Variants in WDFY3 observed in about 807,000 individuals in gnomAD.
WDFY3 encodes WD repeat and FYVE domain containing 3, also known as WD repeat and FYVE domain-containing protein 3.
WDFY3 carries 66 observed loss-of-function variants against 409.6 expected under a neutral mutation model. That is an observed-to-expected ratio of 0.16 (90% CI 0.13 to 0.20). The LOEUF (loss-of-function observed/expected upper bound fraction) is 0.20. Ranked by LOEUF, WDFY3 falls within the 10% of genes least tolerant of loss-of-function variation. The pLI is 1.00. For missense variants in WDFY3, 3,031 were observed against 4,298.1 expected (o/e 0.71, Z 8.24); for synonymous variants, 1,521 against 1,537.1 (o/e 0.99, Z 0.25).
intron 5 of WDFY3, among the ~76,000 whole-genome samples, chr4:84,847,411 A>C (rs999256920): frequency 5.3e-5 from 8 of 152,040 alleles, no homozygotes. Flanking sequence ...CAAATTGATA[A>C]AAAAACCTTT....
intron 1 of WDFY3, among the ~76,000 whole-genome samples, chr4:84,947,294 C>T (rs1458882649): frequency 6.8e-6 from 1 of 146,730 alleles, no homozygotes; most frequent in East Asian, 2.2e-4. Context: ...GGGCGGATCA[C>T]GAGGTCAGGA....
At chr4:84,907,222 T>C (rs1397340012) in intron 2 of WDFY3, among the ~76,000 whole-genome samples, 1 of 152,184 alleles carries the variant, frequency 6.6e-6, no homozygotes, top group African/African-American at 2.4e-5. Flanking sequence ...TTTTCAAAGG[T>C]AGAGTCTAAT....
chr4:84,884,537 T>C (rs1763932797), intron 3 of WDFY3, among the ~76,000 whole-genome samples: 1 of 152,074 alleles, frequency 6.6e-6, no homozygotes, highest in Non-Finnish European at 1.5e-5. Flanking sequence ...ATTAAAGAAA[T>C]TGATCAAGAA....
chr4:84,679,356 T>A, intron 64 of WDFY3, 114 bp from the exon 65 acceptor site: 1 of 1,067,718 alleles, frequency 9.4e-7, no homozygotes, highest in Non-Finnish European at 1.2e-6. Flanking sequence ...CATAATATTT[T>A]AAGCTAAGTG....
intron 2 of WDFY3, among the ~76,000 whole-genome samples, chr4:84,920,799 C>T (rs1422669839): frequency 2.0e-5 from 3 of 152,102 alleles, no homozygotes; most frequent in Admixed American, 2.0e-4. Context: ...TCCCACAACC[C>T]AAAGGAGAAT....
rs763277839 is a variant in WDFY3 at position 84,821,263 on chromosome 4, T to A, written c.1412A>T (p.Lys471Ile). ...GCTACAGTGATAAGAAGAGCTAGAT[T>A]TTAAGAGGATACTGACACTAATAAG... is the stretch of plus-strand genomic sequence containing the variant. ...KELISVSILL[K>I]SSSSYHCSII... is the part of the protein sequence containing the mutation. The change falls in exon 11 of 68, where the codon AAA becomes ATA. Residue 471 changes from lysine to isoleucine, a missense_variant. Physicochemically the swap from Lys to Ile is moderately radical, Grantham distance 102 (BLOSUM62 -3). Around this residue, in one of 16 missense-constraint regions of WDFY3, gnomAD observed 1,322 missense variants for 1,697.9 expected, o/e 0.78. Transcript: ENST00000295888. 2 of 1,613,778 alleles carry A rather than the reference T, an allele frequency of 1.2e-6. No homozygotes were observed. Among genetic ancestry groups the A allele is most frequent in the South Asian group, 2.2e-5 (2 of 91,080 alleles).
At chr4:84,702,623 T>C (rs925951087) in intron 55 of WDFY3, 117 bp from the exon 56 acceptor site, 5 of 891,988 alleles carry the variant, frequency 5.6e-6, no homozygotes, top group Non-Finnish European at 7.9e-6. Flanking sequence ...TTTCCCATTA[T>C]CCTACATTAA....
intron 24 of WDFY3, among the ~76,000 whole-genome samples, chr4:84,785,206 T>C (rs1436408187): frequency 6.6e-6 from 1 of 151,998 alleles, no homozygotes; most frequent in Admixed American, 6.6e-5. Context: ...CTAAGACCCA[T>C]CGTCACTCTG....
rs1734057820 is a variant in WDFY3 at position 84,717,026 on chromosome 4, G to A, written c.7755-10C>T. 3.2e-6 allele frequency: 5 copies of A among 1,557,968 alleles called. No individual in the cohort carries two copies. Among genetic ancestry groups the A allele is most frequent in the South Asian group, 1.2e-5 (1 of 81,112 alleles). On this transcript the variant is annotated splice_polypyrimidine_tract_variant and intron_variant, in intron 48 of 67. Transcript: ENST00000295888. Reference sequence around the variant, plus strand: ...AATAGGCTCATGCATACTACAGGCAGCCAAGAGAAAAAGCAAATAAAAACA... The same window carrying A: ...AATAGGCTCATGCATACTACAGGCAACCAAGAGAAAAAGCAAATAAAAACA...
At chr4:84,709,214 T>C in intron 52 of WDFY3, 79 bp downstream of exon 52, 2 of 1,443,706 alleles carry the variant, frequency 1.4e-6, no homozygotes, top group Non-Finnish European at 1.9e-6. Context: ...ATTTTATGGA[T>C]AATTAAAGTG....
chr4:84,919,225 A>G (rs1275328540), intron 2 of WDFY3, among the ~76,000 whole-genome samples: 3 of 152,138 alleles, frequency 2.0e-5, no homozygotes, highest in Non-Finnish European at 4.4e-5. Flanking sequence ...GAAACCATAA[A>G]TTCAAATCAA....
chr4:84,837,283 T>C (rs1173459587), intron 6 of WDFY3, among the ~76,000 whole-genome samples, 193 bp from the exon 7 acceptor site: 3 of 152,152 alleles, frequency 2.0e-5, no homozygotes. Flanking sequence ...AATCAAATAG[T>C]GAGATTTTGT....
In WDFY3 at chr4:84,964,509, T is replaced by C. The variant is rs72664971; in HGVS notation, c.-226+1700A>G. Among the ~76,000 whole-genome samples, 1,499 of 152,324 alleles carry C rather than the reference T, an allele frequency of 9.8e-3. 10 individuals carry two copies. The highest frequency in any genetic ancestry group is 0.017 in the Non-Finnish European group (1,150 of 68,028). ...ATAAATAAATTAAGAACAACTGATG[T>C]AAACTTTTAAAATTGCAAAGTTGAG... On this transcript the variant is annotated intron_variant, in intron 1 of 67. Coordinates refer to ENST00000295888, the MANE Select transcript of WDFY3 (RefSeq NM_014991.6).
At chr4:84,787,786 T>C (rs1404245712) in intron 22 of WDFY3, 73 bp from the exon 23 acceptor site, 2 of 1,284,122 alleles carry the variant, frequency 1.6e-6, no homozygotes, top group African/African-American at 1.5e-5. Context: ...TCAGCATATG[T>C]ATTTTCATTA....
Position 84,899,446 on chromosome 4 carries a change from G to T in WDFY3, c.-131-2436C>A, listed in dbSNP as rs574236141. Reference sequence around the variant, plus strand: ...TTTAAGTCAATAAACTAAACGTTTGGCATTTTCTTATCAAATTAAACATTT... The same window carrying T: ...TTTAAGTCAATAAACTAAACGTTTGTCATTTTCTTATCAAATTAAACATTT... On this transcript the variant is annotated intron_variant, in intron 2 of 67. Transcript: ENST00000295888. Among the ~76,000 whole-genome samples the T allele has an allele frequency of 4.6e-5, 7 of 152,156 alleles. No individual in the cohort carries two copies. In the South Asian group the frequency reaches 1.2e-3, roughly 27 times the overall value.
intron 30 of WDFY3, among the ~76,000 whole-genome samples, chr4:84,770,436 C>T (rs1744476642): frequency 6.6e-6 from 1 of 152,160 alleles, no homozygotes; most frequent in Admixed American, 6.5e-5. Context: ...ATTTATGTGA[C>T]TCACTTTATT....
chr4:84,759,213 A>G (rs915048796), intron 32 of WDFY3, among the ~76,000 whole-genome samples: 1 of 152,148 alleles, frequency 6.6e-6, no homozygotes. Context: ...GTAGCCTTGC[A>G]GTAGAGTTTG....
rs370520203 is a variant in WDFY3, at chr4:84,671,542, C to T, written c.*1326G>A. 5.3e-5 allele frequency: 8 copies of T among 151,328 alleles called. No individual in the cohort carries two copies. In the East Asian group the frequency reaches 1.6e-3, roughly 29 times the overall value. 9.4% of individuals were successfully genotyped at this position (151,328 alleles called of 1,614,324 possible). On this transcript the variant is annotated 3_prime_UTR_variant, in exon 68 of 68. Transcript: ENST00000295888. The stretch of plus-strand genomic sequence containing the variant: ...ACACACATTTAAAAAAATCCCACCA[C>T]CAAGCCTTTTCTCTGTAAACTAATC...
chr4:84,679,003 G>C lies in WDFY3; in HGVS notation c.10063C>G (p.Gln3355Glu). ...GFIFVNYSEG[Q>E]TRAHLQGPLS... is the part of the protein sequence containing the mutation. ...GGGCCCTGCAGATGGGCTCTGGTCT[G>C]GCCCTCTGAATAGTTCACAAATATG... The change falls in exon 65 of 68, where the codon CAG becomes GAG. Residue 3355 changes from glutamine to glutamate, a missense_variant. By Grantham distance (29) the Gln-to-Glu change is conservative. Around this residue, in one of 16 missense-constraint regions of WDFY3, gnomAD observed 378 missense variants for 477.3 expected, o/e 0.79. Transcript: ENST00000295888. The C allele has an allele frequency of 6.2e-7, 1 of 1,614,232 alleles. No homozygotes were observed. The highest frequency in any genetic ancestry group is 1.1e-5 in the South Asian group (1 of 91,082).
Sources: allele counts gnomAD v4.1 joint callset (sites outside exome capture counted in the v4.1 genomes callset), GRCh38; gene constraint gnomAD v4.1.1; regional missense constraint gnomAD v4.1.1; transcripts MANE v1.5; gene names NCBI Gene and HGNC (gene_info 2026-07-23, HGNC 2026-07-21).